DIAPH2: variants seen among roughly 807,000 people sequenced by gnomAD.
The protein encoded by DIAPH2 is protein diaphanous homolog 2.
Under a neutral mutation model 92.7 loss-of-function variants are expected in DIAPH2, and 35 were observed. The observed-to-expected ratio is 0.38, with a 90% confidence interval of 0.29 to 0.50. The LOEUF is 0.50. DIAPH2 is among the 20% of genes least tolerant of loss of function. The pLI, the probability that DIAPH2 is intolerant of heterozygous loss-of-function variation, is 0.94. For synonymous variants in DIAPH2, 301 were observed against 280.4 expected (o/e 1.07, Z -0.73); for missense variants, 701 against 819.5 (o/e 0.86, Z 1.77).
chrX:96,732,812 G>C (rs1477411883), intron 1 of DIAPH2, among the ~76,000 whole-genome samples: 1 of 112,144 alleles, frequency 8.9e-6, no homozygotes, highest in African/African-American at 3.2e-5. Flanking sequence ...TCTAGAATTA[G>C]AAATGTATAT....
At chrX:96,900,335 T>C (rs1175109559) in intron 5 of DIAPH2, among the ~76,000 whole-genome samples, 2 of 111,648 alleles carry the variant, frequency 1.8e-5, no homozygotes, top group African/African-American at 3.3e-5. Flanking sequence ...CCTGAGACTT[T>C]ACTGAATTCA....
chrX:96,837,170 GT>G (rs930554329), intron 4 of DIAPH2, among the ~76,000 whole-genome samples: 2 of 111,066 alleles, frequency 1.8e-5, no homozygotes, highest in African/African-American at 6.6e-5. Context: ...TTAGATATTA[GT>G]TTTTAAAAAT....
intron 4 of DIAPH2, among the ~76,000 whole-genome samples, chrX:96,837,433 C>CTCTGTGTG (rs1189132418): frequency 2.5e-3 from 104 of 41,323 alleles, no homozygotes; most frequent in East Asian, 0.01. Flanking sequence ...CTCTCTCTCT[C>CTCTGTGTG]TGTGTGTGTG....
intron 25 of DIAPH2, among the ~76,000 whole-genome samples, chrX:97,398,327 T>A (rs1473737105): frequency 1.8e-5 from 2 of 112,201 alleles, no homozygotes; most frequent in Admixed American, 9.5e-5. Context: ...AAATCGAGAT[T>A]GAGCTATAGA....
intron 23 of DIAPH2, among the ~76,000 whole-genome samples, chrX:97,321,867 G>T (rs1034326198): frequency 2.7e-5 from 3 of 111,726 alleles, no homozygotes; most frequent in Non-Finnish European, 5.6e-5. Context: ...GTCTTAAATG[G>T]CTATTTGCCA....
rs758859930 is a variant in DIAPH2 at position 97,114,753 on chromosome X, C to T, written c.2377C>T (p.Arg793Cys). 2 of 1,205,640 alleles carry T rather than the reference C, an allele frequency of 1.7e-6. No homozygotes were observed. Among genetic ancestry groups the T allele is most frequent in the Admixed American group, 4.4e-5 (2 of 45,430 alleles). The change falls in exon 21 of 27, where the codon CGT (arginine) becomes TGT (cysteine). Residue 793 changes from arginine to cysteine, a missense_variant. Coordinates refer to ENST00000324765, the MANE Select transcript of DIAPH2 (RefSeq NM_006729.5). ...GAGCTCTGTGAAAATGTTACAGCCT[C>T]GTCTCAGTAGTATCCTGTTCAAGCT... ...VMSSVKMLQP[R>C]LSSILFKLTF...
At chrX:96,859,427 A>G (rs887365852) in intron 4 of DIAPH2, among the ~76,000 whole-genome samples, 1 of 110,253 alleles carries the variant, frequency 9.1e-6, no homozygotes, top group Non-Finnish European at 1.9e-5. Flanking sequence ...TATTATACAG[A>G]TGGAAGAGGA....
chrX:96,895,162 C>T (rs1387541586), intron 5 of DIAPH2, among the ~76,000 whole-genome samples: 1 of 109,248 alleles, frequency 9.2e-6, no homozygotes, highest in Non-Finnish European at 1.9e-5. Flanking sequence ...CGCCACCACA[C>T]CTGGCTAATT....
intron 21 of DIAPH2, among the ~76,000 whole-genome samples, chrX:97,137,265 T>TTATATA (rs748631722): frequency 1.3e-4 from 4 of 30,080 alleles, no homozygotes; most frequent in Non-Finnish European, 2.1e-4. Context: ...ATAAACGCAG[T>TTATATA]TATACATATA....
At chrX:96,988,836 T>C (rs2066049246) in intron 17 of DIAPH2, among the ~76,000 whole-genome samples, 1 of 111,325 alleles carries the variant, frequency 9.0e-6, no homozygotes, top group African/African-American at 3.3e-5. Context: ...TTTGATTTAC[T>C]GTAGGCTGAG....
intron 26 of DIAPH2, among the ~76,000 whole-genome samples, chrX:97,444,540 C>T (rs540326076): frequency 2.7e-5 from 3 of 110,857 alleles, no homozygotes; most frequent in African/African-American, 6.5e-5. Flanking sequence ...CATAATAAAC[C>T]GATAGATTAT....
chrX:97,329,185 G>A (rs1321675644), intron 23 of DIAPH2, among the ~76,000 whole-genome samples: 1 of 112,322 alleles, frequency 8.9e-6, no homozygotes, highest in Non-Finnish European at 1.9e-5. Flanking sequence ...TCTGCCATCT[G>A]CTGTTCAGTT....
intron 1 of DIAPH2, among the ~76,000 whole-genome samples, chrX:96,726,226 C>G (rs779857346): frequency 2.0e-5 from 2 of 102,276 alleles, no homozygotes; most frequent in African/African-American, 7.0e-5. Flanking sequence ...CTCTCTCTGT[C>G]GCTCTCTTCC....
chrX:97,536,450 T>G (rs978217291), intron 26 of DIAPH2, among the ~76,000 whole-genome samples: 4 of 112,378 alleles, frequency 3.6e-5, no homozygotes, highest in Non-Finnish European at 5.6e-5. Context: ...TACATGAAAT[T>G]TATCCTCAAC....
chrX:96,722,334 G>T (rs2063993650), intron 1 of DIAPH2, among the ~76,000 whole-genome samples: 1 of 110,229 alleles, frequency 9.1e-6, no homozygotes, highest in Non-Finnish European at 1.9e-5. Context: ...TCCAACCTGG[G>T]CAGCAGAGCG....
At chrX:97,139,962 T>C (rs190896480) in intron 21 of DIAPH2, among the ~76,000 whole-genome samples, 2 of 111,030 alleles carry the variant, frequency 1.8e-5, no homozygotes, top group Admixed American at 9.6e-5. Flanking sequence ...TATAATGTAC[T>C]TGTACAATTT....
chrX:96,914,444 T>C (rs910369713), intron 7 of DIAPH2, among the ~76,000 whole-genome samples: 5 of 111,484 alleles, frequency 4.5e-5, no homozygotes, highest in Admixed American at 1.9e-4. Flanking sequence ...ATTCAGGAGA[T>C]ATATATAGTT....
chrX:97,212,590 G>GTTTTTTTTTTTTTTTT (rs57173350), intron 22 of DIAPH2, among the ~76,000 whole-genome samples: 1 of 67,842 alleles, frequency 1.5e-5, no homozygotes, highest in Non-Finnish European at 2.8e-5. Flanking sequence ...AGGGTTTTTT[G>GTTTTTTTTTTTTTTTT]TTTTTTTTTT....
At chrX:97,449,291 ATATAAG>A (rs1349552182) in intron 26 of DIAPH2, among the ~76,000 whole-genome samples, 1 of 111,971 alleles carries the variant, frequency 8.9e-6, no homozygotes, top group Non-Finnish European at 1.9e-5. Flanking sequence ...TTATTGATAA[ATATAAG>A]TACAGGTTAT....
Sources: allele counts gnomAD v4.1 joint callset (sites outside exome capture counted in the v4.1 genomes callset), GRCh38; gene constraint gnomAD v4.1.1; transcripts MANE v1.5; gene names NCBI Gene and HGNC (gene_info 2026-07-23, HGNC 2026-07-21).